Variants in TTC39B observed in about 807,000 individuals in gnomAD.
TTC39B encodes the protein tetratricopeptide repeat protein 39B.
Under a neutral mutation model 96.6 loss-of-function variants are expected in TTC39B, and 92 were observed. The ratio of observed to expected loss-of-function variants is 0.95; its 90% CI spans 0.80 to 1.13. The LOEUF (loss-of-function observed/expected upper bound fraction) is 1.13, where lower values mean the gene tolerates loss of function less well. TTC39B is among the 50% of genes most tolerant of loss of function. The pLI is 0.00. For missense variants in TTC39B, 955 were observed against 809.3 expected, an observed-to-expected ratio of 1.18 and a Z score of -2.18; for synonymous variants, 367 against 299.4, an observed-to-expected ratio of 1.23 and a Z score of -2.33.
At chr9:15,307,102 C>A in exon 1 of TTC39B, 2 of 1,610,626 alleles carry the variant, frequency 1.2e-6, no homozygotes, top group East Asian at 2.2e-5. Context: ...CTTCCAGCTC[C>A]GCTCGGCTGC....
rs557067484 is a variant in TTC39B at position 15,233,507 on chromosome 9, C to T, written c.276-7495G>A. On this transcript the variant is annotated intron_variant, in intron 2 of 19. Coordinates refer to ENST00000512701, the Ensembl canonical transcript of TTC39B. ...AGTGCCTGCGATTGCAGGCGCACGC[C>T]GCCACGCCTGACTGGTTTTCGTATT... is the stretch of plus-strand genomic sequence containing the variant. Among the ~76,000 whole-genome samples the T allele has an allele frequency of 2.0e-5, 3 of 149,716 alleles. No homozygotes were observed. In the East Asian group the frequency reaches 5.8e-4, roughly 29 times the overall value.
intron 2 of TTC39B, among the ~76,000 whole-genome samples, chr9:15,230,192 C>A (rs930604427): frequency 6.6e-6 from 1 of 152,130 alleles, no homozygotes. Flanking sequence ...CCTTATTTTG[C>A]CCTATTTTAA....
intron 8 of TTC39B, among the ~76,000 whole-genome samples, chr9:15,194,121 T>G (rs537448326): frequency 6.6e-6 from 1 of 152,318 alleles, no homozygotes; most frequent in South Asian, 2.1e-4. Flanking sequence ...TTTGTAAATC[T>G]GAGTGACGAT....
chr9:15,239,728 T>C (rs959633670), intron 2 of TTC39B, among the ~76,000 whole-genome samples: 5 of 152,088 alleles, frequency 3.3e-5, no homozygotes, highest in South Asian at 4.1e-4. Context: ...CAAATAAAGA[T>C]GGAAATAACA....
intron 3 of TTC39B, 143 bp from the exon 4 acceptor site, chr9:15,214,392 G>A (rs1820394761): frequency 1.6e-6 from 1 of 625,122 alleles, no homozygotes; most frequent in Non-Finnish European, 2.7e-6. Flanking sequence ...GGATTCTGGA[G>A]ACAGGACAGG....
At chr9:15,266,556 A>G (rs1209374052) in intron 2 of TTC39B, among the ~76,000 whole-genome samples, 2 of 152,324 alleles carry the variant, frequency 1.3e-5, no homozygotes, top group Non-Finnish European at 2.9e-5. Context: ...TGATAATGTG[A>G]CAGTTTAAAC....
In TTC39B at chr9:15,306,976, G is replaced by C; in HGVS notation, c.240+108C>G. 2.0e-6 allele frequency: 3 copies of C among 1,496,996 alleles called. No homozygotes were observed. The highest frequency in any genetic ancestry group is 2.7e-6 in the Non-Finnish European group (3 of 1,115,056). The allele number at this position is 1,496,996 out of a possible 1,614,324, so 92.7% of individuals were successfully genotyped here. ...GCGCCCGCCAGCCCACCCCAGAGAG[G>C]GGACCAAGGGGGCGGGGCCTCGGCC... On this transcript the variant is annotated intron_variant, in intron 1 of 19. Transcript: ENST00000512701. The surrounding 1 kb of genome is among the most constrained non-coding windows in gnomAD (Gnocchi z 5.1).
intron 2 of TTC39B, among the ~76,000 whole-genome samples, chr9:15,228,359 G>C (rs1821242201): frequency 6.6e-6 from 1 of 152,188 alleles, no homozygotes; most frequent in Non-Finnish European, 1.5e-5. Flanking sequence ...AGCTACTCAG[G>C]AGGCTGAGAC....
At chr9:15,295,579 T>G (rs1295396494) in intron 1 of TTC39B, among the ~76,000 whole-genome samples, 1 of 152,220 alleles carries the variant, frequency 6.6e-6, no homozygotes, top group Non-Finnish European at 1.5e-5. Flanking sequence ...TACTGAAATG[T>G]TAGCTGCAGA....
intron 16 of TTC39B, among the ~76,000 whole-genome samples, chr9:15,184,986 A>C (rs2118674792): frequency 6.6e-6 from 1 of 152,346 alleles, no homozygotes; most frequent in South Asian, 2.1e-4. Context: ...CTTTCTGTCT[A>C]AATTTCTTCA....
intron 7 of TTC39B, among the ~76,000 whole-genome samples, chr9:15,200,463 T>C (rs1038556995): frequency 6.6e-6 from 1 of 152,258 alleles, no homozygotes; most frequent in African/African-American, 2.4e-5. Flanking sequence ...CTGTCACTAC[T>C]ACACAATTTT....
chr9:15,210,010 C>T, intron 6 of TTC39B, 78 bp downstream of exon 6: 1 of 1,034,032 alleles, frequency 9.7e-7, no homozygotes, highest in Admixed American at 2.1e-5. Flanking sequence ...ACTTTATATA[C>T]TTCAGGATGG....
chr9:15,238,629 G>C (rs1821895795), intron 2 of TTC39B, among the ~76,000 whole-genome samples: 1 of 152,156 alleles, frequency 6.6e-6, no homozygotes, highest in Non-Finnish European at 1.5e-5. Flanking sequence ...AGAAATCACA[G>C]ATCATACAAA....
chr9:15,192,503 G>C, intron 9 of TTC39B, 87 bp downstream of exon 9: 2 of 1,017,710 alleles, frequency 2.0e-6, no homozygotes, highest in African/African-American at 1.6e-5. Context: ...GAAAGGTTCA[G>C]GATGAGGTTC....
intron 2 of TTC39B, among the ~76,000 whole-genome samples, chr9:15,263,129 G>C (rs375999425): frequency 9.9e-5 from 15 of 152,196 alleles, no homozygotes; most frequent in African/African-American, 3.6e-4. Flanking sequence ...TGCAGAACTG[G>C]GGACTTCTCA....
At chr9:15,230,128 G>A (rs549095937) in intron 2 of TTC39B, among the ~76,000 whole-genome samples, 2 of 152,274 alleles carry the variant, frequency 1.3e-5, no homozygotes, top group Admixed American at 6.5e-5. Flanking sequence ...TGGAGGCTAC[G>A]AAAAATAACA....
At chr9:15,279,758 T>C (rs2131579877) in intron 1 of TTC39B, among the ~76,000 whole-genome samples, 1 of 152,262 alleles carries the variant, frequency 6.6e-6, no homozygotes, top group South Asian at 2.1e-4. Flanking sequence ...CTAAGTCACC[T>C]TCTCTGTGGC....
At chr9:15,287,965 A>C (rs1455647615) in intron 1 of TTC39B, among the ~76,000 whole-genome samples, 1 of 150,964 alleles carries the variant, frequency 6.6e-6, no homozygotes, top group Non-Finnish European at 1.5e-5. Context: ...AAAAAAAAAA[A>C]AAAACATAAA....
intron 5 of TTC39B, 114 bp downstream of exon 5, chr9:15,211,152 G>T: frequency 1.6e-6 from 2 of 1,221,018 alleles, no homozygotes; most frequent in Non-Finnish European, 2.2e-6. Context: ...TTTCTTTTCT[G>T]TAACTGTGGC....
Sources: gnomAD v4.1 joint callset for allele counts (sites outside exome capture counted in the v4.1 genomes callset) on GRCh38, gnomAD v4.1.1 for gene constraint, Gnocchi (gnomAD v3.1) non-coding constraint, MANE v1.5 for transcripts, NCBI Gene and HGNC (gene_info 2026-07-23, HGNC 2026-07-21) for gene names.